Variants in FARSA observed in about 807,000 individuals in gnomAD.
FARSA encodes phenylalanyl-tRNA synthetase subunit alpha.
FARSA carries 37 observed loss-of-function variants against 63.2 expected under a neutral mutation model. The ratio of observed to expected loss-of-function variants is 0.59; its 90% CI spans 0.45 to 0.77. The LOEUF (loss-of-function observed/expected upper bound fraction) is 0.77, where lower values mean the gene tolerates loss of function less well. FARSA is among the 30% of genes least tolerant of loss of function. The pLI is 0.00. For missense variants in FARSA, 618 were observed against 696.6 expected (o/e 0.89, Z 1.27); for synonymous variants, 312 against 285.1 (o/e 1.09, Z -0.95).
chr19:12,922,944 G>T, intron 12 of FARSA, 58 bp from the exon 13 acceptor site: 2 of 1,608,810 alleles, frequency 1.2e-6, no homozygotes, highest in Non-Finnish European at 1.7e-6. Flanking sequence ...CTTCTGCTCA[G>T]ATTTCCATGG....
At chr19:12,932,036 A>ATTTT (rs35705523) in intron 1 of FARSA, among the ~76,000 whole-genome samples, 2 of 132,472 alleles carry the variant, frequency 1.5e-5, no homozygotes, top group Non-Finnish European at 1.6e-5. Flanking sequence ...CACTGCATAA[A>ATTTT]TTTTTTTTTT....
At chr19:12,931,507 C>T (rs1259341304) in intron 1 of FARSA, among the ~76,000 whole-genome samples, 1 of 152,102 alleles carries the variant, frequency 6.6e-6, no homozygotes, top group African/African-American at 2.4e-5. Flanking sequence ...CGTAATCGGC[C>T]GACTCCGCCT....
chr19:12,930,416 C>G lies in FARSA; in HGVS notation c.384+13G>C. On this transcript the variant is annotated intron_variant, in intron 3 of 12. Coordinates refer to ENST00000314606, the MANE Select transcript of FARSA (RefSeq NM_004461.3). ...CCGTCCACCTGCCCCCTGACCAGCC[C>G]GCAGGAACGCACCACTCGGAACACC... The G allele has an allele frequency of 6.2e-7, 1 of 1,613,446 alleles. No homozygotes were observed. The highest frequency in any genetic ancestry group is 8.5e-7 in the Non-Finnish European group (1 of 1,179,594).
intron 1 of FARSA, among the ~76,000 whole-genome samples, chr19:12,931,497 C>T (rs572735880): frequency 2.0e-5 from 3 of 152,180 alleles, no homozygotes; most frequent in Admixed American, 2.0e-4. Context: ...CTCCTGACCT[C>T]GTAATCGGCC....
intron 7 of FARSA, among the ~76,000 whole-genome samples, chr19:12,925,846 T>C (rs764172520): frequency 6.6e-6 from 1 of 151,682 alleles, no homozygotes; most frequent in Non-Finnish European, 1.5e-5. Context: ...GCTAATTTTT[T>C]ATATTTGGTA....
chr19:12,924,402 G>C lies in FARSA; in HGVS notation c.1273+47C>G. 6.3e-7 allele frequency: 1 copy of C among 1,594,598 alleles called. No homozygotes were observed. The highest frequency in any genetic ancestry group is 8.6e-7 in the Non-Finnish European group (1 of 1,165,720). Reference sequence around the variant, plus strand: ...ATGGGGGGACCCAGGCCAAACCATAGTAGCCTGAGACCTCCCTCCCACCCC... The same window carrying C: ...ATGGGGGGACCCAGGCCAAACCATACTAGCCTGAGACCTCCCTCCCACCCC... On this transcript the variant is annotated intron_variant, in intron 11 of 12. Transcript: ENST00000314606. The surrounding 1 kb of genome is among the most constrained non-coding windows in gnomAD (Gnocchi z 6.4).
In FARSA at chr19:12,925,225, T is replaced by C. The variant is rs780837266; in HGVS notation, c.842-51A>G. 3.4e-4 allele frequency: 227 copies of C among 664,210 alleles called. 1 individual carries two copies. Among genetic ancestry groups the C allele is most frequent in the Middle Eastern group, 5.9e-4 (1 of 1,690 alleles). The allele number at this position is 664,210 out of a possible 1,614,324, so 41.1% of individuals were successfully genotyped here. On this transcript the variant is annotated intron_variant, in intron 7 of 12. Transcript: ENST00000314606. ...TCAGTCAACGAGCATTTCCCACCCC[T>C]TTTTTTTTTTCAGACAGGGTCTCAC...
chr19:12,930,504 G>A lies in FARSA; in HGVS notation c.309C>T (p.Gly103=). The change falls in exon 3 of 13, where the codon GGC becomes GGT. Residue 103 remains glycine (G), a synonymous_variant. Coordinates refer to ENST00000314606, the MANE Select transcript of FARSA (RefSeq NM_004461.3). ...ACTTGTTGGACATGGCCTTGCTGAA[G>A]CCCACTTTGCCACTGGGCAGTCGCT... The part of the protein sequence containing the change: ...ELMRLPSGKV[G]FSKAMSNKWI... 2.5e-6 allele frequency: 4 copies of A among 1,614,140 alleles called. No homozygotes were observed. The highest frequency in any genetic ancestry group is 3.4e-6 in the Non-Finnish European group (4 of 1,179,978).
Position 12,925,182 on chromosome 19 carries a change from G to T in FARSA, c.842-8C>A, listed in dbSNP as rs1441758861. On this transcript the variant is annotated splice_region_variant and splice_polypyrimidine_tract_variant and intron_variant, in intron 7 of 12. Transcript: ENST00000314606. ...GCAGGGCCTCCGCTGGATCTGGGCA[G>T]GACAGAGCAACATCAGGTCAGTCAA... is the stretch of plus-strand genomic sequence containing the variant. 1 of 1,576,972 alleles carries T rather than the reference G, an allele frequency of 6.3e-7. No individual in the cohort carries two copies. Among genetic ancestry groups the T allele is most frequent in the Non-Finnish European group, 8.6e-7 (1 of 1,162,290 alleles).
At chr19:12,925,214 T>C (rs1971313451) in intron 7 of FARSA, 40 bp from the exon 8 acceptor site, 3 of 1,501,488 alleles carry the variant, frequency 2.0e-6, no homozygotes, top group South Asian at 1.3e-5. Context: ...TCAACGAGCA[T>C]TTCCCACCCC....
At chr19:12,929,652 A>G (rs59533321) in intron 4 of FARSA, among the ~76,000 whole-genome samples, 7,639 of 152,252 alleles carry the variant, frequency 0.05, 673 homozygotes, top group African/African-American at 0.18. Flanking sequence ...TTTATAGATA[A>G]GGAAACGGAG....
chr19:12,933,460 T>C, intron 1 of FARSA, 90 bp downstream of exon 1: 1 of 1,451,224 alleles, frequency 6.9e-7, no homozygotes, highest in South Asian at 1.3e-5. Context: ...AAACTAGGCC[T>C]GAGGGAATTT....
intron 7 of FARSA, among the ~76,000 whole-genome samples, chr19:12,925,839 A>G (rs558713784): frequency 8.6e-5 from 13 of 151,746 alleles, no homozygotes; most frequent in African/African-American, 3.1e-4. Flanking sequence ...ACACACAGCT[A>G]ATTTTTTATA....
At chr19:12,925,963 C>A (rs1174683502) in intron 7 of FARSA, among the ~76,000 whole-genome samples, 9 of 147,280 alleles carry the variant, frequency 6.1e-5, no homozygotes, top group Non-Finnish European at 1.2e-4. Flanking sequence ...CCGCGCCCGA[C>A]CTTTTTATTT....
In FARSA at chr19:12,928,576, G is replaced by A. The variant is rs1235916461; in HGVS notation, c.684C>T (p.Leu228=). The A allele has an allele frequency of 5.6e-6, 9 of 1,613,900 alleles. No homozygotes were observed. The South Asian group carries it at 8.8e-5, about 16-fold the overall frequency. Residue 228 remains leucine (L), a synonymous_variant, in exon 6 of 13, where the codon CTC becomes CTT. Transcript: ENST00000314606. ...LPDSGHLHPL[L]KVRSQFRQIF... is the part of the protein sequence containing the mutation. ...TCTGTCGGAACTGGGAGCGGACCTT[G>A]AGCAGCGGGTGAAGGTGGCCGCTGT...
intron 7 of FARSA, 33 bp from the exon 8 acceptor site, chr19:12,925,207 A>G (rs1373464200): frequency 1.2e-5 from 18 of 1,525,698 alleles, no homozygotes; most frequent in Non-Finnish European, 1.3e-5. Flanking sequence ...AGGTCAGTCA[A>G]CGAGCATTTC....
rs145222447 is a variant in FARSA, at chr19:12,925,100, C to T, written c.916G>A (p.Gly306Ser). 61 of 1,612,180 alleles carry T rather than the reference C, an allele frequency of 3.8e-5. No homozygotes were observed. Among genetic ancestry groups the T allele is most frequent in the Middle Eastern group, 1.9e-4 (1 of 5,366 alleles). The stretch of plus-strand genomic sequence containing the variant: ...TAAGTCCTGCCTCACCCCTGTGAGC[C>T]GTAGCCGCCCTGAGAGTGGGTCCGC... ...VKRTHSQGGYGSQGYKYNWKL... is the reference protein window; with the variant it reads ...VKRTHSQGGYSSQGYKYNWKL... Residue 306 changes from glycine to serine, a missense_variant, in exon 8 of 13, where the codon GGC becomes AGC. By Grantham distance (56) the Gly-to-Ser change is moderately conservative (BLOSUM62 0). Transcript: ENST00000314606.
In FARSA at chr19:12,928,858, G is replaced by A; in HGVS notation, c.504-11C>T. ...TAGGTCTTCAGAGTCCTGTGGCCAG[G>A]GGAAGGAAGGGGACGCCACTGCCAT... On this transcript the variant is annotated splice_polypyrimidine_tract_variant and intron_variant, in intron 4 of 12. Transcript: ENST00000314606. 3 of 1,612,940 alleles carry A rather than the reference G, an allele frequency of 1.9e-6. No individual in the cohort carries two copies. The highest frequency in any genetic ancestry group is 2.5e-6 in the Non-Finnish European group (3 of 1,179,044).
At chr19:12,928,098 G>A (rs1971347997) in intron 7 of FARSA, among the ~76,000 whole-genome samples, 1 of 151,014 alleles carries the variant, frequency 6.6e-6, no homozygotes, top group Non-Finnish European at 1.5e-5. Flanking sequence ...AACAAGGATG[G>A]ACTTTAATTT....
Sources: gnomAD v4.1 joint callset for allele counts (sites outside exome capture counted in the v4.1 genomes callset) on GRCh38, gnomAD v4.1.1 for gene constraint, Gnocchi (gnomAD v3.1) non-coding constraint, MANE v1.5 for transcripts, NCBI Gene and HGNC (gene_info 2026-07-23, HGNC 2026-07-21) for gene names.